PLEKHG4B: variants seen among roughly 807,000 people sequenced by gnomAD.
The protein encoded by PLEKHG4B is pleckstrin homology domain-containing family G member 4B.
Under a neutral mutation model 121.3 loss-of-function variants are expected in PLEKHG4B, and 111 were observed. The observed-to-expected ratio is 0.92, with a 90% CI of 0.78 to 1.07. The LOEUF is 1.07. PLEKHG4B is among the 50% of genes least tolerant of loss of function. PLEKHG4B has a pLI of 0.00. For missense variants in PLEKHG4B, 1,831 were observed against 1,757.8 expected, an observed-to-expected ratio of 1.04 and a Z score of -0.74; for synonymous variants, 738 against 725.0, an observed-to-expected ratio of 1.02 and a Z score of -0.29.
At chr5:174,381 T>C (rs6868092) in intron 18 of PLEKHG4B, among the ~76,000 whole-genome samples, 80,449 of 111,396 alleles carry the variant, frequency 0.72, 26,543 homozygotes, top group Non-Finnish European at 0.76. Flanking sequence ...GGGCTAAGGC[T>C]AGGAGTGGGG....
chr5:169,417 A>G lies in PLEKHG4B; in HGVS notation c.3554A>G (p.Asp1185Gly). 4 of 1,614,186 alleles carry G rather than the reference A, an allele frequency of 2.5e-6. No individual in the cohort carries two copies. The highest frequency in any genetic ancestry group is 3.4e-6 in the Non-Finnish European group (4 of 1,180,048). The change falls in exon 14 of 20, where the codon GAC becomes GGC. Residue 1185 changes from aspartate to glycine, a missense_variant. By Grantham distance (94) the Asp-to-Gly change is moderately conservative (BLOSUM62 -1). Transcript: ENST00000637938. ...ATTCGGTGCTTAGGATACGTCATTGACAACTATTTTCCAGAAATGGAAAGA... is the reference window on the plus strand; with the variant it reads ...ATTCGGTGCTTAGGATACGTCATTGGCAACTATTTTCCAGAAATGGAAAGA... ...EYIRCLGYVIDNYFPEMERMD... is the reference protein window; with the variant it reads ...EYIRCLGYVIGNYFPEMERMD...
intron 2 of PLEKHG4B, among the ~76,000 whole-genome samples, chr5:138,023 T>C (rs1174297670): frequency 6.6e-6 from 1 of 152,184 alleles, no homozygotes; most frequent in Non-Finnish European, 1.5e-5. Flanking sequence ...TTCTGAAAAC[T>C]GGGTGGGCCA....
intron 18 of PLEKHG4B, among the ~76,000 whole-genome samples, chr5:175,047 G>GCA (rs751301953): frequency 6.6e-6 from 1 of 152,140 alleles, no homozygotes; most frequent in Non-Finnish European, 1.5e-5. Context: ...GGCCCCGACA[G>GCA]CACTCACACA....
intron 13 of PLEKHG4B, among the ~76,000 whole-genome samples, chr5:164,032 C>T (rs1234426254): frequency 4.6e-5 from 7 of 152,268 alleles, no homozygotes; most frequent in Non-Finnish European, 1.0e-4. Flanking sequence ...GGTGGGCGCA[C>T]TCGGCCCCTG....
At chr5:110,437 A>G (rs1164280504) in intron 1 of PLEKHG4B, among the ~76,000 whole-genome samples, 1 of 149,898 alleles carries the variant, frequency 6.7e-6, no homozygotes, top group Non-Finnish European at 1.5e-5. Flanking sequence ...ACGTGCACAC[A>G]CCCACACAAT....
chr5:97,541 C>A (rs528359114), intron 1 of PLEKHG4B, among the ~76,000 whole-genome samples: 1 of 152,230 alleles, frequency 6.6e-6, no homozygotes, highest in East Asian at 1.9e-4. Context: ...TCAACGGAAT[C>A]GCACAATATA....
In PLEKHG4B at chr5:163,435, G is replaced by A; in HGVS notation, c.3363G>A (p.Lys1121=). The A allele has an allele frequency of 6.2e-7, 1 of 1,613,022 alleles. No individual in the cohort carries two copies. The highest frequency in any genetic ancestry group is 8.5e-7 in the Non-Finnish European group (1 of 1,180,050). Residue 1121 remains lysine, a synonymous_variant, in exon 13 of 20, where the codon AAG becomes AAA. Transcript: ENST00000637938. ...LEVTSTVATE[K]KLPLWQHARS... is the part of the protein sequence containing the mutation. ...TAACCAGCACTGTAGCCACAGAGAA[G>A]AAGCTCCCGCTGTGGCAGCATGCCA...
In PLEKHG4B at chr5:171,291, C is replaced by G; in HGVS notation, c.3897C>G (p.Tyr1299Ter). 1.9e-6 allele frequency: 3 copies of G among 1,612,228 alleles called. No individual in the cohort carries two copies. The highest frequency in any genetic ancestry group is 2.5e-6 in the Non-Finnish European group (3 of 1,179,630). Residue 1299 changes from tyrosine (Y) to a stop codon, truncating the protein, a stop_gained, in exon 16 of 20, where the codon TAC (tyrosine) becomes TAG (stop). Coordinates refer to ENST00000637938, the MANE Select transcript of PLEKHG4B (RefSeq NM_052909.5). LOFTEE classifies it high-confidence loss of function. ...LLRPVQRVAK[Y>*]ALLLQDLLKE... ...GGCCCGTGCAGCGTGTGGCCAAGTA[C>G]GCGCTGCTACTCCAGGACCTGCTCA...
rs1171009312 is a variant in PLEKHG4B, at chr5:127,378, T to TATTATTATTATA, written c.244-12103_244-12102insTATTATTATAAT. ...TTATTATTATTATTATTATTATTAT[T>TATTATTATTATA]ATAGGCTGCCTCTGTGCCAAGGCCC... is the stretch of plus-strand genomic sequence containing the variant. On this transcript the variant is annotated intron_variant, in intron 2 of 19. Coordinates refer to ENST00000637938, the MANE Select transcript of PLEKHG4B (RefSeq NM_052909.5). 3.4e-5 allele frequency among the ~76,000 whole-genome samples: 5 copies of TATTATTATTATA among 148,256 alleles called. No individual in the cohort carries two copies. The South Asian group carries it at 8.5e-4, about 25-fold the overall frequency.
chr5:162,651 A>G (rs1736057140), intron 12 of PLEKHG4B, 71 bp from the exon 13 acceptor site: 3 of 1,161,484 alleles, frequency 2.6e-6, no homozygotes, highest in African/African-American at 1.6e-5. Context: ...CCTGGGGAAC[A>G]GCAGGGCCTG....
chr5:177,959 T>G (rs1251627654), intron 18 of PLEKHG4B, among the ~76,000 whole-genome samples: 1 of 139,090 alleles, frequency 7.2e-6, no homozygotes, highest in East Asian at 2.1e-4. Flanking sequence ...AGGCTTCCCT[T>G]TTCTGTTGGG....
chr5:169,048 GTATTT>G, intron 13 of PLEKHG4B: 1 of 368,848 alleles, frequency 2.7e-6, no homozygotes, highest in African/African-American at 2.1e-5. Flanking sequence ...GCTAATTTTT[GTATTT>G]TGAGTAGAGA....
At chr5:168,784 T>G (rs1453289339) in intron 13 of PLEKHG4B, among the ~76,000 whole-genome samples, 6 of 151,990 alleles carry the variant, frequency 3.9e-5, no homozygotes, top group Admixed American at 3.9e-4. Flanking sequence ...AGAGAGCAGC[T>G]CCAGGTAACA....
At chr5:145,950 G>C (rs996416126) in intron 6 of PLEKHG4B, among the ~76,000 whole-genome samples, 5 of 152,008 alleles carry the variant, frequency 3.3e-5, no homozygotes, top group African/African-American at 7.3e-5. Flanking sequence ...GGGACACCAG[G>C]TGGCAGGTTG....
In PLEKHG4B at chr5:173,151, C is replaced by G. The variant is rs145210770; in HGVS notation, c.4221+84C>G. On this transcript the variant is annotated intron_variant, in intron 17 of 19. Transcript: ENST00000637938. ...GGACCCTTGTCTCACCTAAGGCCAG[C>G]AGAGGAACTGGGAGGGAGTGAAGCG... 8 of 1,355,084 alleles carry G rather than the reference C, an allele frequency of 5.9e-6. No homozygotes were observed. The East Asian group carries it at 6.9e-5, about 12-fold the overall frequency. 83.9% of individuals were successfully genotyped at this position (1,355,084 alleles called of 1,614,324 possible).
At chr5:99,028 C>T (rs1733716603) in intron 1 of PLEKHG4B, among the ~76,000 whole-genome samples, 1 of 145,576 alleles carries the variant, frequency 6.9e-6, no homozygotes, top group Admixed American at 6.8e-5. Context: ...TGGTGCTGTG[C>T]ACCTGTAATC....
chr5:107,150 C>T (rs772539399), intron 1 of PLEKHG4B, among the ~76,000 whole-genome samples: 9 of 152,220 alleles, frequency 5.9e-5, no homozygotes, highest in Admixed American at 1.3e-4. Flanking sequence ...TGTAAAGCTG[C>T]TCCAGGTCCT....
Position 169,461 on chromosome 5 carries a change from C to A in PLEKHG4B, c.3598C>A (p.Leu1200Ile). ...GGAAAGAATGGACTTGCCCCAGGGCCTTCGAGGGAAGCACCACGTTATTTT... is the reference window on the plus strand; with the variant it reads ...GGAAAGAATGGACTTGCCCCAGGGCATTCGAGGGAAGCACCACGTTATTTT... ...EMERMDLPQG[L>I]RGKHHVIFGN... Residue 1200 changes from leucine (L) to isoleucine (I), a missense_variant, in exon 14 of 20, where the codon CTT becomes ATT. By Grantham distance (5) the Leu-to-Ile change is conservative (BLOSUM62 2). Transcript: ENST00000637938. 1 of 1,614,238 alleles carries A rather than the reference C, an allele frequency of 6.2e-7. No homozygotes were observed. Among genetic ancestry groups the A allele is most frequent in the East Asian group, 2.2e-5 (1 of 44,886 alleles).
chr5:184,301 G>A lies in PLEKHG4B; in HGVS notation c.*1978G>A, dbSNP rs543436885. 6.6e-6 allele frequency: 1 copy of A among 152,228 alleles called. No homozygotes were observed. The highest frequency in any genetic ancestry group is 2.4e-5 in the African/African-American group (1 of 41,452). The allele number at this position is 152,228 out of a possible 1,614,324, so 9.4% of individuals were successfully genotyped here. A position where few individuals can be genotyped will look rare whatever the true frequency, so the allele number is the denominator to read the frequency against. ...TACGAGTGCACATCATAATCAAATT[G>A]CATATAACCAGTGATAAACAGAAAA... is the stretch of plus-strand genomic sequence containing the variant. On this transcript the variant is annotated 3_prime_UTR_variant, in exon 20 of 20. Transcript: ENST00000637938.
Sources: gnomAD v4.1 joint callset for allele counts (sites outside exome capture counted in the v4.1 genomes callset) on GRCh38, gnomAD v4.1.1 for gene constraint, MANE v1.5 for transcripts, NCBI Gene and HGNC (gene_info 2026-07-23, HGNC 2026-07-21) for gene names.